Variants in IL10RA observed in about 807,000 individuals in gnomAD.
The protein encoded by IL10RA is interleukin-10 receptor subunit alpha.
IL10RA carries 18 observed loss-of-function variants against 29.6 expected under a neutral mutation model. The observed-to-expected ratio is 0.61, with a 90% CI of 0.42 to 0.90. The LOEUF is 0.90. IL10RA is among the 40% of genes least tolerant of loss of function. IL10RA has a pLI of 0.00. For missense variants in IL10RA, 634 were observed against 716.6 expected (o/e 0.88, Z 1.32); for synonymous variants, 292 against 294.1 (o/e 0.99, Z 0.07).
Position 117,989,391 on chromosome 11 carries a change from G to A in IL10RA, c.189-51G>A, listed in dbSNP as rs1242415736. The stretch of plus-strand genomic sequence containing the variant: ...GCCTCTTGCGTCTCCCTTAAAGGAG[G>A]TAGGATTGAGCACAAGCTCGTTTCC... On this transcript the variant is annotated intron_variant, in intron 2 of 6. Transcript: ENST00000227752. This position sits in a 1 kb window ranked among gnomAD's most constrained non-coding sequence, Gnocchi z 4.5. 1.3e-6 allele frequency: 2 copies of A among 1,536,086 alleles called. No individual in the cohort carries two copies. The highest frequency in any genetic ancestry group is 1.7e-5 in the Admixed American group (1 of 59,946).
At position 117,998,930 on chromosome 11, in the gene IL10RA, C is replaced by G. The variant is rs920826390; in HGVS notation, c.1026C>G (p.Pro342=). 2 of 1,613,610 alleles carry G rather than the reference C, an allele frequency of 1.2e-6. No homozygotes were observed. Among genetic ancestry groups the G allele is most frequent in the East Asian group, 2.2e-5 (1 of 44,890 alleles). Reference sequence around the variant, plus strand: ...AGTTCCTCCTCCCTGACCCTCACCCCCAGGCTGACAGAACGCTGGGAAACA... The same window carrying G: ...AGTTCCTCCTCCCTGACCCTCACCCGCAGGCTGACAGAACGCTGGGAAACA... ...EPQFLLPDPH[P]QADRTLGNRE... is the part of the protein sequence containing the mutation. The change falls in exon 7 of 7, where the codon CCC becomes CCG. Residue 342 remains proline, a synonymous_variant. Coordinates refer to ENST00000227752, the MANE Select transcript of IL10RA (RefSeq NM_001558.4).
Position 117,988,499 on chromosome 11 carries a change from T to A in IL10RA, c.185T>A (p.Leu62Gln). 6.2e-7 allele frequency: 1 copy of A among 1,614,014 alleles called. No homozygotes were observed. Among genetic ancestry groups the A allele is most frequent in the Non-Finnish European group, 8.5e-7 (1 of 1,179,926 alleles). ...AGTACCTGCTATGAAGTGGCGCTCC[T>A]GAGGTGAGGAAAAGGGAAGAGGGAG... Reference protein sequence around the residue: ...SESTCYEVALLRYGIESWNSI... With the variant: ...SESTCYEVALQRYGIESWNSI... The change falls in exon 2 of 7, where the codon CTG becomes CAG. Residue 62 changes from leucine (L) to glutamine (Q), a missense_variant. Transcript: ENST00000227752.
At chr11:117,993,798 C>T (rs1445360605) in intron 4 of IL10RA, among the ~76,000 whole-genome samples, 1 of 152,140 alleles carries the variant, frequency 6.6e-6, no homozygotes, top group Admixed American at 6.5e-5. Flanking sequence ...TATAAAACAC[C>T]GCTTTTTCTT....
In IL10RA at chr11:117,999,163, C is replaced by T. The variant is rs2229114; in HGVS notation, c.1259C>T (p.Ser420Leu). 65,298 of 1,614,092 alleles carry T rather than the reference C, an allele frequency of 0.04. 1,547 individuals are homozygous for T. The highest frequency in any genetic ancestry group is 0.048 in the Non-Finnish European group (56,776 of 1,179,966). Residue 420 changes from serine (S) to leucine (L), a missense_variant, in exon 7 of 7, where the codon TCG becomes TTG. Coordinates refer to ENST00000227752, the MANE Select transcript of IL10RA (RefSeq NM_001558.4). ...CGGGCTGGGGACACACAGGGTGGCT[C>T]GGCCTTGGGCCACCACAGTCCCCCG... ...EGRAGDTQGG[S>L]ALGHHSPPEP... is the part of the protein sequence containing the mutation.
Position 117,999,261 on chromosome 11 carries a change from G to A in IL10RA, c.1357G>A (p.Ala453Thr). The change falls in exon 7 of 7, where the codon GCT (alanine) becomes ACT (threonine). Residue 453 changes from alanine (A) to threonine (T), a missense_variant. Transcript: ENST00000227752. ...FQGYLRQTRCAEEKATKTGCL... is the reference protein window; with the variant it reads ...FQGYLRQTRCTEEKATKTGCL... ...GGGTTACCTGAGGCAGACCAGATGTGCTGAAGAGAAGGCAACCAAGACAGG... is the reference window on the plus strand; with the variant it reads ...GGGTTACCTGAGGCAGACCAGATGTACTGAAGAGAAGGCAACCAAGACAGG... The A allele has an allele frequency of 1.2e-6, 2 of 1,614,276 alleles. No individual in the cohort carries two copies. Among genetic ancestry groups the A allele is most frequent in the Non-Finnish European group, 1.7e-6 (2 of 1,180,050 alleles).
intron 1 of IL10RA, chr11:117,988,156 C>T (rs1316564990): frequency 1.7e-6 from 1 of 591,754 alleles, no homozygotes; most frequent in African/African-American, 1.9e-5. Context: ...TTCTCAGCCC[C>T]CACTGCAGCT....
downstream of IL10RA, chr11:118,002,398 C>A (rs774312807): frequency 2.0e-5 from 3 of 152,244 alleles, no homozygotes; most frequent in African/African-American, 4.8e-5. Context: ...GAGAACTTGA[C>A]TAATATCACG....
In IL10RA at chr11:117,991,666, T is replaced by A. The variant is rs147541470; in HGVS notation, c.368-1575T>A. Among the ~76,000 whole-genome samples, 263 of 152,368 alleles carry A rather than the reference T, an allele frequency of 1.7e-3. 1 individual carries two copies. The highest frequency in any genetic ancestry group is 5.9e-3 in the African/African-American group (247 of 41,594). The stretch of plus-strand genomic sequence containing the variant: ...CATAAGTGAGATCTTATGGCATTTA[T>A]CTCTTTGCACCTGGCTTATTTCGCT... On this transcript the variant is annotated intron_variant, in intron 3 of 6. Transcript: ENST00000227752.
At position 118,000,736 on chromosome 11, in the gene IL10RA, C is replaced by G. The variant is rs1284772156; in HGVS notation, c.*1095C>G. On this transcript the variant is annotated 3_prime_UTR_variant, in exon 7 of 7. Transcript: ENST00000227752. ...AGGACTCCACCTTTAGGGGACCCTC[C>G]ATGTTTGCTGGGTATTAGCCAAGCT... 1 of 454,276 alleles carries G rather than the reference C, an allele frequency of 2.2e-6. No homozygotes were observed. Among genetic ancestry groups the G allele is most frequent in the Non-Finnish European group, 4.4e-6 (1 of 226,788 alleles). The allele number at this position is 454,276 out of a possible 1,614,324, so 28.1% of individuals were successfully genotyped here.
chr11:117,998,513 T>G (rs1018467689), intron 6 of IL10RA, among the ~76,000 whole-genome samples: 4 of 152,216 alleles, frequency 2.6e-5, no homozygotes, highest in African/African-American at 9.7e-5. Context: ...TACAAGTTTC[T>G]TGTGTATCTG....
At chr11:117,997,427 A>G (rs572375356) in intron 6 of IL10RA, among the ~76,000 whole-genome samples, 2 of 152,378 alleles carry the variant, frequency 1.3e-5, no homozygotes, top group South Asian at 4.1e-4. Flanking sequence ...GACAAAGCTG[A>G]TAAGAGTCAG....
At position 117,989,366 on chromosome 11, in the gene IL10RA, GCC is replaced by G; in HGVS notation, c.189-75_189-74del. The G allele has an allele frequency of 7.5e-7, 1 of 1,326,974 alleles. No homozygotes were observed. The highest frequency in any genetic ancestry group is 1.4e-5 in the African/African-American group (1 of 69,356). The allele number at this position is 1,326,974 out of a possible 1,614,324, so 82.2% of individuals were successfully genotyped here. On this transcript the variant is annotated intron_variant, in intron 2 of 6. Transcript: ENST00000227752. The surrounding 1 kb of genome is among the most constrained non-coding windows in gnomAD (Gnocchi z 4.5). ...TCCCAATGTGGGAGCTCTCTTCCTG[GCC>G]TCTTGCGTCTCCCTTAAAGGAGGTA...
intron 5 of IL10RA, chr11:117,995,343 A>G: frequency 1.8e-6 from 1 of 555,736 alleles, no homozygotes; most frequent in Non-Finnish European, 3.3e-6. Context: ...GATGGGAGTC[A>G]TGTGCAGAGA....
chr11:118,001,642 T>A (rs753015023), downstream of IL10RA: 1 of 349,994 alleles, frequency 2.9e-6, no homozygotes, highest in Non-Finnish European at 5.6e-6. Flanking sequence ...GGAGTCCTCA[T>A]GCTACCTGTA....
Position 118,001,412 on chromosome 11 carries a change from G to A in IL10RA, c.*1771G>A. 1 of 450,364 alleles carries A rather than the reference G, an allele frequency of 2.2e-6. No homozygotes were observed. Among genetic ancestry groups the A allele is most frequent in the South Asian group, 1.6e-5 (1 of 64,174 alleles). The allele number at this position is 450,364 out of a possible 1,614,324, so 27.9% of individuals were successfully genotyped here. A position where few individuals can be genotyped will look rare whatever the true frequency, so the allele number is the denominator to read the frequency against. On this transcript the variant is annotated 3_prime_UTR_variant, in exon 7 of 7. Coordinates refer to ENST00000227752, the MANE Select transcript of IL10RA (RefSeq NM_001558.4). ...CTGCTGAGGAAATGGGTATGAATGT[G>A]CCTTGAACACAAAGCTCTGTCAATA...
rs537603232 is a variant in IL10RA at position 117,988,414 on chromosome 11, T to C, written c.100T>C (p.Phe34Leu). The C allele has an allele frequency of 3.1e-6, 5 of 1,614,132 alleles. No homozygotes were observed. The African/African-American group carries it at 5.3e-5, about 17-fold the overall frequency. Residue 34 changes from phenylalanine (F) to leucine (L), a missense_variant, in exon 2 of 7, where the codon TTT becomes CTT. Coordinates refer to ENST00000227752, the MANE Select transcript of IL10RA (RefSeq NM_001558.4). ...GCTGCCCAGCCCTCCGTCTGTGTGG[T>C]TTGAAGCAGAATTTTTCCACCACAT... ...TELPSPPSVW[F>L]EAEFFHHILH...
chr11:117,995,977 A>G (rs2058053434), intron 6 of IL10RA, among the ~76,000 whole-genome samples: 1 of 152,142 alleles, frequency 6.6e-6, no homozygotes, highest in African/African-American at 2.4e-5. Context: ...AGCCATTTTG[A>G]TATGATCTAC....
chr11:117,986,500 GCTC>G lies in IL10RA; in HGVS notation c.37_39del (p.Leu13del), dbSNP rs1565369886. ...CGTGCCTCGTAGTGCTGCTGGCGGCGCTCCTCAGCCTCCGTCTTGGCTCAGACG... is the reference window on the plus strand; with the variant it reads ...CGTGCCTCGTAGTGCTGCTGGCGGCGCTCAGCCTCCGTCTTGGCTCAGACG... On this transcript the variant is annotated inframe_deletion, in exon 1 of 7. Transcript: ENST00000227752. The G allele has an allele frequency of 1.9e-6, 3 of 1,556,462 alleles. No individual in the cohort carries two copies. In the Admixed American group the frequency reaches 5.8e-5, roughly 30 times the overall value.
At position 117,989,826 on chromosome 11, in the gene IL10RA, G is replaced by C. The variant is rs908598615; in HGVS notation, c.367+206G>C. 11 of 637,540 alleles carry C rather than the reference G, an allele frequency of 1.7e-5. No homozygotes were observed. Among genetic ancestry groups the C allele is most frequent in the East Asian group, 2.8e-5 (1 of 35,232 alleles). 39.5% of individuals were successfully genotyped at this position (637,540 alleles called of 1,614,324 possible). ...GTTTGAGATTTAAAAGGGAACTGGAGTTGTTTATCCTACAGAAGAGAGGTC... is the reference window on the plus strand; with the variant it reads ...GTTTGAGATTTAAAAGGGAACTGGACTTGTTTATCCTACAGAAGAGAGGTC... On this transcript the variant is annotated intron_variant, in intron 3 of 6. Transcript: ENST00000227752. This position sits in a 1 kb window ranked among gnomAD's most constrained non-coding sequence, Gnocchi z 4.5.
Sources: allele counts gnomAD v4.1 joint callset (sites outside exome capture counted in the v4.1 genomes callset), GRCh38; gene constraint gnomAD v4.1.1; non-coding constraint Gnocchi (gnomAD v3.1); transcripts MANE v1.5; gene names NCBI Gene and HGNC (gene_info 2026-07-23, HGNC 2026-07-21).